NUP37: variants seen among roughly 807,000 people sequenced by gnomAD.
NUP37 encodes nucleoporin Nup37.
Under a neutral mutation model 45.4 loss-of-function variants are expected in NUP37, and 33 were observed. The ratio of observed to expected loss-of-function variants is 0.73; its 90% CI spans 0.55 to 0.97. The LOEUF (loss-of-function observed/expected upper bound fraction) is 0.97. Ranked by LOEUF, NUP37 falls within the 50% of genes least tolerant of loss-of-function variation. The pLI, the probability that NUP37 is intolerant of heterozygous loss-of-function variation, is 0.00. For synonymous variants in NUP37, 127 were observed against 130.7 expected (o/e 0.97, Z 0.19); for missense variants, 365 against 389.7 (o/e 0.94, Z 0.53).
chr12:102,093,758 T>C (rs983105395), intron 5 of NUP37, among the ~76,000 whole-genome samples: 4 of 152,108 alleles, frequency 2.6e-5, no homozygotes, highest in African/African-American at 7.2e-5. Context: ...ATCAATGGTC[T>C]TTCAAAATCT....
chr12:102,081,560 G>A (rs1565828733), intron 6 of NUP37, among the ~76,000 whole-genome samples: 2 of 152,304 alleles, frequency 1.3e-5, no homozygotes, highest in East Asian at 3.9e-4. Flanking sequence ...AACTTTTGGT[G>A]CTTTGGTTTT....
chr12:102,114,466 G>A (rs1880407748), intron 2 of NUP37, among the ~76,000 whole-genome samples: 3 of 152,322 alleles, frequency 2.0e-5, no homozygotes, highest in African/African-American at 7.2e-5. Context: ...GGTATAGGCA[G>A]AGACAAATGC....
chr12:102,099,039 C>A, intron 5 of NUP37, 67 bp downstream of exon 5: 1 of 1,051,942 alleles, frequency 9.5e-7, no homozygotes, highest in East Asian at 2.5e-5. Context: ...TTTTTTTTCT[C>A]ATTTTAAAAA....
intron 6 of NUP37, among the ~76,000 whole-genome samples, chr12:102,078,288 G>A (rs1565827899): frequency 1.3e-5 from 2 of 151,484 alleles, no homozygotes; most frequent in Non-Finnish European, 1.5e-5. Flanking sequence ...ATTGTGCCAC[G>A]GCACTCTAGC....
intron 8 of NUP37, 69 bp from the exon 9 acceptor site, chr12:102,075,163 G>GCTTTTT (rs144377635): frequency 1.2e-5 from 12 of 997,622 alleles, no homozygotes; most frequent in African/African-American, 8.4e-5. Context: ...TCTGAAGCGG[G>GCTTTTT]CTTTTTCTTT....
intron 3 of NUP37, among the ~76,000 whole-genome samples, chr12:102,105,359 T>C (rs1026607666): frequency 3.3e-5 from 5 of 150,316 alleles, no homozygotes; most frequent in Non-Finnish European, 7.4e-5. Flanking sequence ...ACCCCATCTC[T>C]ACAAAAAAAA....
intron 5 of NUP37, among the ~76,000 whole-genome samples, chr12:102,093,867 T>A (rs1222869151): frequency 6.6e-6 from 1 of 152,100 alleles, no homozygotes; most frequent in African/African-American, 2.4e-5. Flanking sequence ...GTCACTGATT[T>A]GGTGATATAT....
At chr12:102,105,239 C>T (rs374140704) in intron 3 of NUP37, among the ~76,000 whole-genome samples, 27 of 152,224 alleles carry the variant, frequency 1.8e-4, no homozygotes, top group African/African-American at 5.3e-4. Context: ...CACAAGAATG[C>T]CATGGCCGGG....
At chr12:102,101,726 A>G (rs990611915) in intron 3 of NUP37, among the ~76,000 whole-genome samples, 3 of 151,298 alleles carry the variant, frequency 2.0e-5, no homozygotes, top group Non-Finnish European at 4.4e-5. Flanking sequence ...AGCAGCAAAC[A>G]CTCCTTTTTT....
intron 5 of NUP37, among the ~76,000 whole-genome samples, chr12:102,097,487 G>A (rs1879838268): frequency 6.6e-6 from 1 of 152,028 alleles, no homozygotes; most frequent in African/African-American, 2.4e-5. Context: ...AAAATAAAAA[G>A]TTAGCAACCC....
chr12:102,087,340 T>C (rs1301061089), intron 5 of NUP37, among the ~76,000 whole-genome samples: 1 of 152,254 alleles, frequency 6.6e-6, no homozygotes, highest in East Asian at 1.9e-4. Flanking sequence ...TTCTTCTTCC[T>C]TGTAGAAATT....
At chr12:102,091,690 G>A (rs1293235348) in intron 5 of NUP37, among the ~76,000 whole-genome samples, 1 of 152,030 alleles carries the variant, frequency 6.6e-6, no homozygotes, top group Non-Finnish European at 1.5e-5. Flanking sequence ...AAAGGGCACT[G>A]GGTAAGTAAA....
chr12:102,108,305 TA>T (rs61389942), intron 3 of NUP37, among the ~76,000 whole-genome samples: 152,356 of 152,356 alleles, frequency 1, 76,178 homozygotes, highest in Non-Finnish European at 1. Flanking sequence ...CTTTCTCCTG[TA>T]GTTGGATGCT....
intron 5 of NUP37, among the ~76,000 whole-genome samples, chr12:102,094,721 G>A (rs574159413): frequency 6.2e-4 from 95 of 152,016 alleles, no homozygotes; most frequent in African/African-American, 1.8e-3. Flanking sequence ...CAGTGATTTG[G>A]TTACATTCTA....
intron 3 of NUP37, among the ~76,000 whole-genome samples, chr12:102,108,151 A>C (rs1224780244): frequency 2.0e-5 from 3 of 152,172 alleles, no homozygotes; most frequent in Non-Finnish European, 2.9e-5. Context: ...CATCTGAGTC[A>C]GTGGAGTGGG....
At position 102,080,733 on chromosome 12, in the gene NUP37, C is replaced by G. The variant is rs138765891; in HGVS notation, c.541-3230G>C. On this transcript the variant is annotated intron_variant, in intron 6 of 9. Coordinates refer to ENST00000552283, the MANE Select transcript of NUP37 (RefSeq NM_024057.4). ...AATCCAGGTCTGTTTAACTACAGTG[C>G]ACACATGTTCCCTGCTACAAGGCTA... Among the ~76,000 whole-genome samples, 1,441 of 152,292 alleles carry G rather than the reference C, an allele frequency of 9.5e-3. 12 individuals are homozygous for G. The highest frequency in any genetic ancestry group is 0.014 in the Non-Finnish European group (951 of 68,036).
At chr12:102,077,280 C>T in intron 7 of NUP37, 42 bp downstream of exon 7, 1 of 1,596,406 alleles carries the variant, frequency 6.3e-7, no homozygotes, top group Non-Finnish European at 8.6e-7. Context: ...ACAGTTACTG[C>T]CTTTTTTTGG....
At chr12:102,093,496 A>G (rs1466423044) in intron 5 of NUP37, among the ~76,000 whole-genome samples, 2 of 152,094 alleles carry the variant, frequency 1.3e-5, no homozygotes, top group Non-Finnish European at 2.9e-5. Flanking sequence ...TAAACTCTCA[A>G]CTGCAAAGAA....
chr12:102,076,428 C>T (rs1430816750), intron 8 of NUP37, among the ~76,000 whole-genome samples: 1 of 152,148 alleles, frequency 6.6e-6, no homozygotes, highest in Non-Finnish European at 1.5e-5. Context: ...CAGAGATATA[C>T]TATCTAGCAT....
Sources: allele counts gnomAD v4.1 joint callset (sites outside exome capture counted in the v4.1 genomes callset), GRCh38; gene constraint gnomAD v4.1.1; transcripts MANE v1.5; gene names NCBI Gene and HGNC (gene_info 2026-07-23, HGNC 2026-07-21).